The following TBX22 variants were observed in gnomAD, a reference collection of about 807,000 sequenced individuals.
The protein encoded by TBX22 is T-box transcription factor 22, also known as T-box transcription factor TBX22.
TBX22 carries 8 observed loss-of-function variants against 30.1 expected under a neutral mutation model. The ratio of observed to expected loss-of-function variants is 0.27; its 90% confidence interval spans 0.16 to 0.48. The LOEUF is 0.48. TBX22 is among the 20% of genes least tolerant of loss of function. TBX22 has a pLI of 0.99. For synonymous variants in TBX22, 173 were observed against 149.1 expected, an observed-to-expected ratio of 1.16 and a Z score of -1.17; for missense variants, 463 against 400.5, an observed-to-expected ratio of 1.16 and a Z score of -1.33.
At position 80,020,408 on chromosome X, in the gene TBX22, G is replaced by A. The variant is rs556218870; in HGVS notation, c.-2-1860G>A. ...ACTCTCCCCCCACTTTAATGGGTGC[G>A]AAAAGAAACGAATGCTCAGATCACA... is the stretch of plus-strand genomic sequence containing the variant. On this transcript the variant is annotated intron_variant, in intron 1 of 8. Coordinates refer to ENST00000373296, the MANE Select transcript of TBX22 (RefSeq NM_001109878.2). 3.0e-3 allele frequency among the ~76,000 whole-genome samples: 339 copies of A among 111,571 alleles called. 3 individuals carry two copies. The highest frequency in any genetic ancestry group is 5.0e-3 in the Admixed American group (52 of 10,494).
At chrX:80,022,983 A>G (rs1923794798) in intron 2 of TBX22, 77 bp from the exon 3 acceptor site, 1 of 1,055,682 alleles carries the variant, frequency 9.5e-7, no homozygotes, top group African/African-American at 1.8e-5. Context: ...GTCTGCTCCA[A>G]GATAGGCACC....
Position 80,022,378 on chromosome X carries a change from G to A in TBX22, c.109G>A (p.Glu37Lys), listed in dbSNP as rs371055319. 5.9e-5 allele frequency: 71 copies of A among 1,208,377 alleles called. No homozygotes were observed. In the South Asian group the frequency reaches 9.9e-4, roughly 17 times the overall value. The stretch of plus-strand genomic sequence containing the variant: ...ACAGGCGGAGCAGCCTGAGCTGCGG[G>A]AGAAAAAGGGCGGAGAGGAAGAGGA... ...PIQAEQPELR[E>K]KKGGEEEEER... Residue 37 changes from glutamate to lysine, a missense_variant, in exon 2 of 9, where the codon GAG becomes AAG. By Grantham distance (56) the Glu-to-Lys change is moderately conservative (BLOSUM62 1). Transcript: ENST00000373296.
In TBX22 at chrX:80,025,777, C is replaced by T. The variant is rs376259951; in HGVS notation, c.633C>T (p.His211=). 1.3e-5 allele frequency: 15 copies of T among 1,195,409 alleles called. No individual in the cohort carries two copies. Among genetic ancestry groups the T allele is most frequent in the Admixed American group, 2.3e-5 (1 of 44,156 alleles). Residue 211 remains histidine (H), a splice_region_variant and synonymous_variant, in exon 5 of 9, where the codon CAC becomes CAT. Coordinates refer to ENST00000373296, the MANE Select transcript of TBX22 (RefSeq NM_001109878.2). ...ACAATGAGATGGATGACAAAGGCCACGTACGTGAGCACAATCCTTTACCCC... is the reference window on the plus strand; with the variant it reads ...ACAATGAGATGGATGACAAAGGCCATGTACGTGAGCACAATCCTTTACCCC... ...LTNNEMDDKG[H]IILQSMHKYK...
chrX:80,019,666 T>G (rs1462331189), intron 1 of TBX22, among the ~76,000 whole-genome samples: 1 of 111,314 alleles, frequency 9.0e-6, no homozygotes, highest in East Asian at 2.8e-4. Context: ...GCCCAGTGCT[T>G]CAGCAGCTGA....
rs1249027829 is a variant in TBX22 at position 80,030,783 on chromosome X, T to C, written c.1235T>C (p.Met412Thr). The C allele has an allele frequency of 1.7e-6, 2 of 1,211,847 alleles. No individual in the cohort carries two copies. The highest frequency in any genetic ancestry group is 3.0e-5 in the East Asian group (1 of 33,851). The change falls in exon 9 of 9, where the codon ATG becomes ACG. Residue 412 changes from methionine (M) to threonine (T), a missense_variant. Met to Thr is a moderately conservative substitution (Grantham distance 81, BLOSUM62 -1). Transcript: ENST00000373296. ...GCCCCACTCATGATGGAAGTGCCTA[T>C]GTTATCTTCCCTGGGGGTCACCAAT... is the stretch of plus-strand genomic sequence containing the variant. ...SLAPLMMEVP[M>T]LSSLGVTNSK...
intron 8 of TBX22, 42 bp from the exon 9 acceptor site, chrX:80,030,456 A>C: frequency 8.3e-7 from 1 of 1,204,509 alleles, no homozygotes; most frequent in African/African-American, 1.7e-5. Flanking sequence ...AGGAACATCA[A>C]ATGTCAAGTT....
chrX:80,024,891 G>A (rs1268510364), intron 4 of TBX22, among the ~76,000 whole-genome samples: 3 of 110,747 alleles, frequency 2.7e-5, no homozygotes, highest in Non-Finnish European at 5.7e-5. Context: ...GAGGGGTTGG[G>A]GAGGTGACAG....
chrX:80,015,527 G>T (rs1218131348), intron 1 of TBX22, among the ~76,000 whole-genome samples: 1 of 112,644 alleles, frequency 8.9e-6, no homozygotes, highest in Non-Finnish European at 1.9e-5. Context: ...GGGCATTGGG[G>T]TGAGAGAGGG....
chrX:80,028,329 G>T (rs924052991), intron 8 of TBX22, among the ~76,000 whole-genome samples: 12 of 112,138 alleles, frequency 1.1e-4, no homozygotes, highest in African/African-American at 2.9e-4. Context: ...CTTACACCCT[G>T]TGATTTTCAG....
intron 8 of TBX22, 108 bp downstream of exon 8, chrX:80,028,184 T>C: frequency 1.5e-6 from 1 of 658,855 alleles, no homozygotes; most frequent in Non-Finnish European, 2.4e-6. Context: ...TGCAAGAAAA[T>C]GTGTACTTAT....
rs753193387 is a variant in TBX22 at position 80,028,093 on chromosome X, C to T, written c.949+17C>T. The T allele has an allele frequency of 9.3e-6, 11 of 1,181,852 alleles. No individual in the cohort carries two copies. Among genetic ancestry groups the T allele is most frequent in the Admixed American group, 2.2e-5 (1 of 45,492 alleles). The stretch of plus-strand genomic sequence containing the variant: ...ACACACAAAGTAAGAAAACTTGGAA[C>T]GTTTGTTTTATTTTTACATATCAAT... On this transcript the variant is annotated intron_variant, in intron 8 of 8. Transcript: ENST00000373296.
rs1289956470 is a variant in TBX22 at position 80,030,862 on chromosome X, T to C, written c.1314T>C (p.Asn438=). 1.7e-6 allele frequency: 2 copies of C among 1,210,550 alleles called. No individual in the cohort carries two copies. Among genetic ancestry groups the C allele is most frequent in the Non-Finnish European group, 2.2e-6 (2 of 895,335 alleles). The change falls in exon 9 of 9, where the codon AAT becomes AAC. Residue 438 remains asparagine, a synonymous_variant. Coordinates refer to ENST00000373296, the MANE Select transcript of TBX22 (RefSeq NM_001109878.2). ...DSSDQYLQAP[N]STNQMLYGLQ... ...GTGATCAGTATCTACAAGCACCTAA[T>C]TCTACCAATCAAATGTTATATGGAT...
At chrX:80,022,495 A>G (rs1050710663) in intron 2 of TBX22, 51 bp downstream of exon 2, 1 of 1,128,209 alleles carries the variant, frequency 8.9e-7, no homozygotes, top group Non-Finnish European at 1.2e-6. Flanking sequence ...CTGGTTCCGC[A>G]TCTCTCCGCC....
intron 8 of TBX22, 67 bp downstream of exon 8, chrX:80,028,143 G>A (rs1924072319): frequency 1.0e-6 from 1 of 956,581 alleles, no homozygotes; most frequent in East Asian, 3.1e-5. Flanking sequence ...CGGAACCCTT[G>A]TACCAAATAC....
rs778935341 is a variant in TBX22, at chrX:80,031,150, A to T, written c.*39A>T. The T allele has an allele frequency of 8.6e-7, 1 of 1,165,331 alleles. No homozygotes were observed. The highest frequency in any genetic ancestry group is 1.8e-5 in the South Asian group (1 of 54,586). On this transcript the variant is annotated 3_prime_UTR_variant, in exon 9 of 9. Coordinates refer to ENST00000373296, the MANE Select transcript of TBX22 (RefSeq NM_001109878.2). Reference sequence around the variant, plus strand: ...TTTCTAGAACAATTACATGTAAACAAATATTTTCTTTATTTGTAGCCAAAG... The same window carrying T: ...TTTCTAGAACAATTACATGTAAACATATATTTTCTTTATTTGTAGCCAAAG...
At chrX:80,027,374 GTTTTT>G (rs397895286) in intron 7 of TBX22, 54 bp downstream of exon 7, 52 of 424,566 alleles carry the variant, frequency 1.2e-4, no homozygotes, top group Middle Eastern at 7.6e-4. Context: ...ATTTTCACAA[GTTTTT>G]TTTTTTTTTT....
At chrX:80,027,737 A>G (rs1924049852) in intron 7 of TBX22, among the ~76,000 whole-genome samples, 1 of 112,043 alleles carries the variant, frequency 8.9e-6, no homozygotes, top group African/African-American at 3.2e-5. Context: ...AAGTTTTGTA[A>G]TTAGTAGGTG....
At chrX:80,023,021 C>T (rs764957977) in intron 2 of TBX22, 39 bp from the exon 3 acceptor site, 4 of 1,192,742 alleles carry the variant, frequency 3.4e-6, no homozygotes, top group East Asian at 5.9e-5. Flanking sequence ...TGAACTGTGA[C>T]GCTCTCTCAA....
At position 80,030,590 on chromosome X, in the gene TBX22, T is replaced by C; in HGVS notation, c.1042T>C (p.Phe348Leu). The C allele has an allele frequency of 8.3e-7, 1 of 1,211,713 alleles. No homozygotes were observed. Among genetic ancestry groups the C allele is most frequent in the Non-Finnish European group, 1.1e-6 (1 of 895,450 alleles). The change falls in exon 9 of 9, where the codon TTT becomes CTT. Residue 348 changes from phenylalanine (F) to leucine (L), a missense_variant. Physicochemically the swap from Phe to Leu is conservative, Grantham distance 22 (BLOSUM62 0). Transcript: ENST00000373296. ...TTCTCCACTTTGCTTTTCACCTATG[T>C]TTCATTTACCTACAAGCTCCCTTGG... ...LLSPLCFSPMFHLPTSSLGMP... is the reference protein window; with the variant it reads ...LLSPLCFSPMLHLPTSSLGMP...
Sources: allele counts gnomAD v4.1 joint callset (sites outside exome capture counted in the v4.1 genomes callset), GRCh38; gene constraint gnomAD v4.1.1; transcripts MANE v1.5; gene names NCBI Gene and HGNC (gene_info 2026-07-23, HGNC 2026-07-21).